CYREN: variants seen among roughly 807,000 people sequenced by gnomAD.
The protein encoded by CYREN is cell cycle regulator of non-homologous end joining.
Under a neutral mutation model 9.7 loss-of-function variants are expected in CYREN, and 7 were observed. That is an observed-to-expected ratio of 0.72 (90% CI 0.41 to 1.36). CYREN has a LOEUF of 1.36. CYREN is among the 40% of genes most tolerant of loss of function. The probability of loss-of-function intolerance (pLI) is 0.01; values close to 1 mark genes in which losing one functional copy is unlikely to be tolerated. For synonymous variants in CYREN, 76 were observed against 77.9 expected (o/e 0.98, Z 0.13); for missense variants, 215 against 198.1 (o/e 1.09, Z -0.51).
At chr7:135,118,258 G>A (rs1048755916) in intron 2 of CYREN, among the ~76,000 whole-genome samples, 47 of 152,002 alleles carry the variant, frequency 3.1e-4, no homozygotes, top group African/African-American at 1.0e-3. Flanking sequence ...TTCATGCTCA[G>A]GCCAATCCTC....
chr7:135,123,108 G>A (rs1381310952), intron 2 of CYREN, among the ~76,000 whole-genome samples: 1 of 152,182 alleles, frequency 6.6e-6, no homozygotes, highest in Non-Finnish European at 1.5e-5. Flanking sequence ...TGAGCTAAAG[G>A]AGCATGTTCT....
At chr7:135,124,902 T>C (rs1827647892) in intron 2 of CYREN, among the ~76,000 whole-genome samples, 1 of 152,178 alleles carries the variant, frequency 6.6e-6, no homozygotes, top group Admixed American at 6.5e-5. Flanking sequence ...TAAAGCATTG[T>C]GTTAAGGGGG....
intron 2 of CYREN, among the ~76,000 whole-genome samples, chr7:135,124,174 G>A (rs953329401): frequency 4.0e-5 from 6 of 151,074 alleles, no homozygotes; most frequent in Non-Finnish European, 7.4e-5. Context: ...ACACACATAG[G>A]CTCAAAATAA....
chr7:135,160,955 T>C (rs1296117242), downstream of CYREN, among the ~76,000 whole-genome samples: 1 of 152,100 alleles, frequency 6.6e-6, no homozygotes, highest in Non-Finnish European at 1.5e-5. Context: ...TGGCTGAGGA[T>C]GGGCAGATGG....
chr7:135,105,663 G>A (rs963878244), intron 2 of CYREN, among the ~76,000 whole-genome samples: 1 of 152,144 alleles, frequency 6.6e-6, no homozygotes, highest in African/African-American at 2.4e-5. Context: ...GTCAGGTAAC[G>A]TGATGCCTCC....
chr7:135,138,497 A>G (rs1829395306), intron 2 of CYREN, among the ~76,000 whole-genome samples: 1 of 152,042 alleles, frequency 6.6e-6, no homozygotes, highest in Non-Finnish European at 1.5e-5. Context: ...GATTCATTGT[A>G]AATGTATCCT....
exon 3 of CYREN, chr7:135,093,482 G>A (rs1333730324): frequency 6.6e-6 from 1 of 152,024 alleles, no homozygotes; most frequent in African/African-American, 2.4e-5. Flanking sequence ...TTTAAAAAAT[G>A]AAATTAAGAA....
At chr7:135,138,622 A>G (rs565690900) in intron 2 of CYREN, among the ~76,000 whole-genome samples, 1 of 152,208 alleles carries the variant, frequency 6.6e-6, no homozygotes, top group African/African-American at 2.4e-5. Flanking sequence ...GGAAGACAAA[A>G]TAATAAAGGT....
chr7:135,167,663 G>A (rs1378185264), intron 3 of CYREN, 69 bp downstream of exon 3: 10 of 1,594,382 alleles, frequency 6.3e-6, no homozygotes, highest in Non-Finnish European at 7.7e-6. Context: ...CTTACTGACG[G>A]TGACCAAGGG....
At chr7:135,136,805 AC>A (rs1829355246) in intron 2 of CYREN, among the ~76,000 whole-genome samples, 1 of 152,070 alleles carries the variant, frequency 6.6e-6, no homozygotes, top group South Asian at 2.1e-4. Context: ...TTTGTGGATG[AC>A]CAAAAAAGGT....
chr7:135,155,721 C>A (rs538382672), intron 2 of CYREN, among the ~76,000 whole-genome samples: 1 of 152,148 alleles, frequency 6.6e-6, no homozygotes, highest in South Asian at 2.1e-4. Context: ...CATGGTGGCA[C>A]ATGTCTGTAT....
rs1006584590 is a variant in CYREN, at chr7:135,155,210, T to A, written n.356+13539A>T. The stretch of plus-strand genomic sequence containing the variant: ...GAATATCTTTTTCCACCCCTTTGTT[T>A]TCAGTCTATATGTCTTTATGGGTAA... On this transcript the variant is annotated intron_variant and non_coding_transcript_variant, in intron 2 of 2. Coordinates refer to the CYREN transcript ENST00000459937. Among the ~76,000 whole-genome samples, 91 of 152,360 alleles carry A rather than the reference T, an allele frequency of 6.0e-4. 1 individual carries two copies. Among genetic ancestry groups the A allele is most frequent in the Middle Eastern group, 6.8e-3 (2 of 294 alleles).
In CYREN at chr7:135,101,677, T is replaced by C. The variant is rs1280598372; in HGVS notation, n.357-7095A>G. Among the ~76,000 whole-genome samples the C allele has an allele frequency of 2.0e-5, 3 of 152,140 alleles. No homozygotes were observed. The East Asian group carries it at 5.8e-4, about 29-fold the overall frequency. ...ACTCTTTAGAGTGGCCCTTAACTAA[T>C]TGAAGACTAATATAGTTCATAGTTT... On this transcript the variant is annotated intron_variant and non_coding_transcript_variant, in intron 2 of 2. Transcript: ENST00000459937.
chr7:135,130,324 G>A (rs963441364), intron 2 of CYREN, among the ~76,000 whole-genome samples: 35 of 152,114 alleles, frequency 2.3e-4, no homozygotes, highest in African/African-American at 6.3e-4. Context: ...TACCACAAAC[G>A]CTATGGGGCA....
intron 2 of CYREN, among the ~76,000 whole-genome samples, chr7:135,104,777 G>T (rs1364687310): frequency 3.4e-5 from 5 of 145,182 alleles, no homozygotes; most frequent in Admixed American, 6.9e-5. Flanking sequence ...GGGCTGTTTG[G>T]TTTTTTTTTT....
At chr7:135,098,048 C>A (rs1215610313) in intron 2 of CYREN, among the ~76,000 whole-genome samples, 1 of 152,012 alleles carries the variant, frequency 6.6e-6, no homozygotes, top group East Asian at 1.9e-4. Context: ...GATATGGAGA[C>A]CCTACATGAT....
chr7:135,142,418 G>T (rs1829469141), intron 2 of CYREN, among the ~76,000 whole-genome samples: 1 of 152,040 alleles, frequency 6.6e-6, no homozygotes, highest in Non-Finnish European at 1.5e-5. Context: ...TTTTCAGTAA[G>T]GCTTCTGATC....
intron 3 of CYREN, 150 bp from the exon 4 acceptor site, chr7:135,167,021 C>A: frequency 6.9e-7 from 1 of 1,452,062 alleles, no homozygotes; most frequent in East Asian, 2.4e-5. Context: ...CACCCACCCT[C>A]TCTTCACCCC....
intron 2 of CYREN, among the ~76,000 whole-genome samples, chr7:135,157,511 G>C (rs915383979): frequency 3.3e-5 from 5 of 152,260 alleles, no homozygotes; most frequent in Non-Finnish European, 7.3e-5. Flanking sequence ...CGCTGCTCTG[G>C]TGGTTAGTGG....
Sources: gnomAD v4.1 joint callset for allele counts (sites outside exome capture counted in the v4.1 genomes callset) on GRCh38, gnomAD v4.1.1 for gene constraint, MANE v1.5 for transcripts, NCBI Gene and HGNC (gene_info 2026-07-23, HGNC 2026-07-21) for gene names.